ACAN: variants seen among roughly 807,000 people sequenced by gnomAD.
ACAN encodes the protein aggrecan, also known as aggrecan core protein.
A neutral mutation model predicts 169.1 loss-of-function variants in ACAN; 47 were observed. The observed-to-expected ratio is 0.28, with a 90% CI of 0.22 to 0.35. The LOEUF (loss-of-function observed/expected upper bound fraction) is 0.35, where lower values mean the gene tolerates loss of function less well. Among genes scored for constraint, ACAN ranks in the 10% least tolerant of loss-of-function variants. The pLI is 1.00. For missense variants in ACAN, 2,716 were observed against 2,759.9 expected (o/e 0.98, Z 0.36); for synonymous variants, 1,115 against 1,112.2 (o/e 1.00, Z -0.05).
chr15:88,851,743 C>T lies in ACAN; in HGVS notation c.2027-51C>T, dbSNP rs753418623. ...CCCCTCAAGAAGGGCCAGCCAAGGA[C>T]GGGTCACTGGTAAGAGAGGGACTCA... On this transcript the variant is annotated intron_variant, in intron 10 of 18. Coordinates refer to ENST00000560601, the MANE Select transcript of ACAN (RefSeq NM_001369268.1). The surrounding 1 kb of genome is among the most constrained non-coding windows in gnomAD (Gnocchi z 4.3). The T allele has an allele frequency of 2.0e-4, 307 of 1,507,848 alleles. 1 individual carries two copies. Among genetic ancestry groups the T allele is most frequent in the Non-Finnish European group, 2.5e-4 (278 of 1,123,668 alleles). The allele number at this position is 1,507,848 out of a possible 1,614,324, so 93.4% of individuals were successfully genotyped here.
Position 88,839,179 on chromosome 15 carries a change from AGCT to A in ACAN, c.454+137_454+139del, listed in dbSNP as rs1896587436. ...CACCTCAGCCAAGTTACTTAACTTC[AGCT>A]GCTTCCTCTGTGACATGGAGCTGGT... On this transcript the variant is annotated intron_variant, in intron 3 of 18. Transcript: ENST00000560601. This position sits in a 1 kb window ranked among gnomAD's most constrained non-coding sequence, Gnocchi z 4.5. 2 of 1,144,790 alleles carry A rather than the reference AGCT, an allele frequency of 1.7e-6. No homozygotes were observed. The highest frequency in any genetic ancestry group is 3.1e-5 in the African/African-American group (2 of 64,914). 70.9% of individuals were successfully genotyped at this position (1,144,790 alleles called of 1,614,324 possible).
chr15:88,824,989 A>G (rs972515682), intron 1 of ACAN, among the ~76,000 whole-genome samples: 2 of 152,198 alleles, frequency 1.3e-5, no homozygotes, highest in African/African-American at 4.8e-5. Context: ...TAAACAGGCT[A>G]GAATGACAAT....
rs1200162234 is a variant in ACAN, at chr15:88,807,384, G to A, written c.-8+3575G>A. On this transcript the variant is annotated intron_variant, in intron 1 of 18. Transcript: ENST00000560601. This position sits in a 1 kb window ranked among gnomAD's most constrained non-coding sequence, Gnocchi z 4.0. ...GCCTCGTGGCCATGCTTCGTGTCCT[G>A]ATGGTAGCCGCACTGCCGCCCTGAT... is the stretch of plus-strand genomic sequence containing the variant. Among the ~76,000 whole-genome samples, 1 of 152,218 alleles carries A rather than the reference G, an allele frequency of 6.6e-6. No homozygotes were observed. Among genetic ancestry groups the A allele is most frequent in the Non-Finnish European group, 1.5e-5 (1 of 68,042 alleles).
rs543339452 is a variant in ACAN, at chr15:88,872,175, G to T, written c.7302+90G>T. 1.9e-5 allele frequency: 21 copies of T among 1,134,488 alleles called. No individual in the cohort carries two copies. In the African/African-American group the frequency reaches 3.2e-4, roughly 17 times the overall value. 70.3% of individuals were successfully genotyped at this position (1,134,488 alleles called of 1,614,324 possible). On this transcript the variant is annotated intron_variant, in intron 16 of 18. Transcript: ENST00000560601. This position sits in a 1 kb window ranked among gnomAD's most constrained non-coding sequence, Gnocchi z 5.4. ...GAGAGATGCATTCAAACCCCATGCA[G>T]ACAGCCGCTTACCAGCTGCTGGACC...
intron 1 of ACAN, among the ~76,000 whole-genome samples, chr15:88,829,503 C>T (rs1896307038): frequency 6.6e-6 from 1 of 152,146 alleles, no homozygotes; most frequent in African/African-American, 2.4e-5. Context: ...GGTCCCTGGC[C>T]TTTTCCCTAT....
chr15:88,873,936 C>T lies in ACAN; in HGVS notation c.7542C>T (p.Cys2514=), dbSNP rs533629952. 9.3e-6 allele frequency: 15 copies of T among 1,613,682 alleles called. No individual in the cohort carries two copies. In the South Asian group the frequency reaches 1.3e-4, roughly 14 times the overall value. ...TCAATTCCCTGGTGCGGTACCAGTG[C>T]ACAGAGGGGTTTGTCCAGCGCCACA... ...YEINSLVRYQ[C]TEGFVQRHMP... is the part of the protein sequence containing the mutation. Residue 2514 remains cysteine (C), a synonymous_variant, in exon 18 of 19, where the codon TGC becomes TGT. Coordinates refer to ENST00000560601, the MANE Select transcript of ACAN (RefSeq NM_001369268.1). The surrounding 1 kb of genome is among the most constrained non-coding windows in gnomAD (Gnocchi z 7.5).
At chr15:88,806,002 C>T (rs891929324) in intron 1 of ACAN, among the ~76,000 whole-genome samples, 2 of 152,148 alleles carry the variant, frequency 1.3e-5, no homozygotes, top group African/African-American at 2.4e-5. Flanking sequence ...CTGAGACAGT[C>T]GGCAAGAGCC....
intron 1 of ACAN, among the ~76,000 whole-genome samples, chr15:88,817,732 TAGTCCC>T (rs1404079530): frequency 6.6e-6 from 1 of 150,772 alleles, no homozygotes; most frequent in Admixed American, 6.6e-5. Context: ...TGCATGCCTA[TAGTCCC>T]AGCTCTTCAG....
At position 88,872,807 on chromosome 15, in the gene ACAN, G is replaced by C. The variant is rs541336452; in HGVS notation, c.7303-74G>C. 6.6e-7 allele frequency: 1 copy of C among 1,525,554 alleles called. No homozygotes were observed. Among genetic ancestry groups the C allele is most frequent in the Admixed American group, 1.8e-5 (1 of 54,862 alleles). The allele number at this position is 1,525,554 out of a possible 1,614,324, so 94.5% of individuals were successfully genotyped here. On this transcript the variant is annotated intron_variant, in intron 16 of 18. Transcript: ENST00000560601. The surrounding 1 kb of genome is among the most constrained non-coding windows in gnomAD (Gnocchi z 5.4). ...AAAGGAGATGATGAAGAGGCTCCAC[G>C]GGGAAGACAGTCGGAGCAGGCCAAC... is the stretch of plus-strand genomic sequence containing the variant.
intron 1 of ACAN, among the ~76,000 whole-genome samples, chr15:88,812,718 C>T (rs1171391376): frequency 6.6e-6 from 1 of 152,134 alleles, no homozygotes; most frequent in African/African-American, 2.4e-5. Flanking sequence ...ACAAACACCC[C>T]CACTCCCATC....
At chr15:88,848,727 A>G (rs192958525) in intron 9 of ACAN, among the ~76,000 whole-genome samples, 4,138 of 152,338 alleles carry the variant, frequency 0.027, 192 homozygotes, top group African/African-American at 0.095. Flanking sequence ...CTGGTGTTCC[A>G]GAAAGATTTC....
chr15:88,829,638 A>T (rs889228496), intron 1 of ACAN, among the ~76,000 whole-genome samples: 6 of 152,196 alleles, frequency 3.9e-5, no homozygotes, highest in Non-Finnish European at 7.3e-5. Flanking sequence ...GCTGCAAATA[A>T]GTGATGTGCT....
At chr15:88,824,816 T>C (rs1596120492) in intron 1 of ACAN, among the ~76,000 whole-genome samples, 1 of 151,320 alleles carries the variant, frequency 6.6e-6, no homozygotes, top group African/African-American at 2.4e-5. Context: ...GAGGTGGAGG[T>C]TGCAGTGAGC....
rs58159220 is a variant in ACAN, at chr15:88,846,750, G to T, written c.1430-493G>T. On this transcript the variant is annotated intron_variant, in intron 7 of 18. Transcript: ENST00000560601. ...ATGCTTTTATACAAATACTACACTT[G>T]TATATCAGGGACTTGAGACTCTGCA... is the stretch of plus-strand genomic sequence containing the variant. Among the ~76,000 whole-genome samples the T allele has an allele frequency of 2.9e-3, 445 of 152,290 alleles. 1 individual carries two copies. Among genetic ancestry groups the T allele is most frequent in the African/African-American group, 0.01 (423 of 41,552 alleles).
chr15:88,860,004 ATGAT>A (rs776526955), intron 12 of ACAN, among the ~76,000 whole-genome samples: 5 of 150,444 alleles, frequency 3.3e-5, no homozygotes, highest in Non-Finnish European at 5.9e-5. Context: ...CTGTACTATC[ATGAT>A]TGTCTCACCG....
chr15:88,813,566 G>A (rs544621842), intron 1 of ACAN, among the ~76,000 whole-genome samples: 7 of 152,288 alleles, frequency 4.6e-5, no homozygotes, highest in South Asian at 2.1e-4. Flanking sequence ...CTCAAACATC[G>A]TCAGGGAGGA....
chr15:88,858,059 A>T lies in ACAN; in HGVS notation c.5474A>T (p.Glu1825Val), dbSNP rs1470324203. The T allele has an allele frequency of 6.2e-7, 1 of 1,613,906 alleles. No individual in the cohort carries two copies. Among genetic ancestry groups the T allele is most frequent in the Non-Finnish European group, 8.5e-7 (1 of 1,179,882 alleles). Residue 1825 changes from glutamate to valine, a missense_variant, in exon 12 of 19, where the codon GAA becomes GTA. By Grantham distance (121) the Glu-to-Val change is moderately radical (BLOSUM62 -2). Transcript: ENST00000560601. The surrounding 1 kb of genome is among the most constrained non-coding windows in gnomAD (Gnocchi z 4.0). Reference sequence around the variant, plus strand: ...TCTGGTACCACGAGTGGCAGCGGTGAATCTTCTGGGATTACATTTGTGGAC... The same window carrying T: ...TCTGGTACCACGAGTGGCAGCGGTGTATCTTCTGGGATTACATTTGTGGAC... ...LVSGTTSGSGESSGITFVDTS... is the reference protein window; with the variant it reads ...LVSGTTSGSGVSSGITFVDTS...
intron 1 of ACAN, among the ~76,000 whole-genome samples, chr15:88,818,605 T>C (rs1236703304): frequency 6.6e-6 from 1 of 152,200 alleles, no homozygotes; most frequent in Admixed American, 6.5e-5. Context: ...GCAAGCCAAT[T>C]AATTTATTGG....
chr15:88,865,676 T>G (rs1159399378), intron 13 of ACAN, among the ~76,000 whole-genome samples: 2 of 151,970 alleles, frequency 1.3e-5, no homozygotes, highest in African/African-American at 4.8e-5. Context: ...ACTTGCAAGC[T>G]CCTTATCCAG....
Sources: allele counts gnomAD v4.1 joint callset (sites outside exome capture counted in the v4.1 genomes callset), GRCh38; gene constraint gnomAD v4.1.1; non-coding constraint Gnocchi (gnomAD v3.1); transcripts MANE v1.5; gene names NCBI Gene and HGNC (gene_info 2026-07-23, HGNC 2026-07-21).